UGT2B7: variants seen among roughly 807,000 people sequenced by gnomAD.
The protein encoded by UGT2B7 is UDP-glucuronosyltransferase 2B7.
Under a neutral mutation model 51.9 loss-of-function variants are expected in UGT2B7, and 51 were observed. The ratio of observed to expected loss-of-function variants is 0.98; its 90% CI spans 0.78 to 1.24. The LOEUF (loss-of-function observed/expected upper bound fraction) is 1.24. Ranked by LOEUF, UGT2B7 falls within the 50% of genes most tolerant of loss-of-function variation. The probability of loss-of-function intolerance (pLI) is 0.00; values close to 1 mark genes in which losing one functional copy is unlikely to be tolerated. For synonymous variants in UGT2B7, 225 were observed against 211.6 expected, an observed-to-expected ratio of 1.06 and a Z score of -0.55; for missense variants, 727 against 628.4, an observed-to-expected ratio of 1.16 and a Z score of -1.68.
At chr4:69,051,921 T>C (rs1718026710) in intron 1 of UGT2B7, among the ~76,000 whole-genome samples, 1 of 152,172 alleles carries the variant, frequency 6.6e-6, no homozygotes, top group African/African-American at 2.4e-5. Flanking sequence ...ACTGCAAAAG[T>C]GTGTGTGTGC....
At chr4:69,096,418 A>C (rs1719222824), upstream of UGT2B7, 2 of 1,556,686 alleles carry the variant, frequency 1.3e-6, no homozygotes, top group Non-Finnish European at 1.7e-6. Flanking sequence ...TTTGACTTAT[A>C]AGGGTTACAT....
chr4:69,095,098 G>A (rs1390814396), upstream of UGT2B7, among the ~76,000 whole-genome samples: 1 of 152,040 alleles, frequency 6.6e-6, no homozygotes, highest in Non-Finnish European at 1.5e-5. Context: ...TTTTGTTATA[G>A]GACCAACAGT....
At chr4:69,058,409 G>A (rs1011868004) in intron 1 of UGT2B7, among the ~76,000 whole-genome samples, 4 of 152,220 alleles carry the variant, frequency 2.6e-5, no homozygotes, top group African/African-American at 7.2e-5. Context: ...GTCATGTTTG[G>A]GCTATGCAAA....
upstream of UGT2B7, among the ~76,000 whole-genome samples, chr4:69,094,837 C>T (rs4554144): frequency 0.58 from 87,792 of 152,076 alleles, 26,355 homozygotes; most frequent in African/African-American, 0.71. Flanking sequence ...CAAACTCTAA[C>T]GCTGCTTTAT....
intron 1 of UGT2B7, among the ~76,000 whole-genome samples, chr4:69,071,541 A>T (rs1186852908): frequency 1.3e-5 from 2 of 152,138 alleles, no homozygotes; most frequent in African/African-American, 2.4e-5. Flanking sequence ...AACAAACTTA[A>T]GAGCTGTTCT....
chr4:69,098,492 A>G (rs1560509162), intron 1 of UGT2B7, 48 bp from the exon 2 acceptor site: 1 of 1,569,364 alleles, frequency 6.4e-7, no homozygotes, highest in East Asian at 2.3e-5. Flanking sequence ...AATTTACCTA[A>G]AGTAATTATC....
intron 1 of UGT2B7, among the ~76,000 whole-genome samples, chr4:69,073,638 A>G (rs1718644253): frequency 6.6e-6 from 1 of 152,204 alleles, no homozygotes; most frequent in Non-Finnish European, 1.5e-5. Flanking sequence ...GAGTTAAGTC[A>G]GAATGAAATA....
chr4:69,106,724 A>G lies in UGT2B7; in HGVS notation c.1003-451A>G, dbSNP rs543356612. 3.9e-5 allele frequency among the ~76,000 whole-genome samples: 6 copies of G among 152,282 alleles called. No individual in the cohort carries two copies. The East Asian group carries it at 7.7e-4, about 20-fold the overall frequency. ...CTTACATTCCCACCAACAGATTATA[A>G]GCAAGCCTTTTCTATACTACCTCAC... On this transcript the variant is annotated intron_variant, in intron 3 of 5. Coordinates refer to ENST00000305231, the MANE Select transcript of UGT2B7 (RefSeq NM_001074.4).
chr4:69,071,379 G>C (rs1718596635), intron 1 of UGT2B7, among the ~76,000 whole-genome samples: 1 of 152,058 alleles, frequency 6.6e-6, no homozygotes, highest in African/African-American at 2.4e-5. Context: ...GTGGAATAAA[G>C]AGCCAAATAC....
intron 5 of UGT2B7, among the ~76,000 whole-genome samples, chr4:69,110,539 T>C (rs919392336): frequency 6.6e-6 from 1 of 152,038 alleles, no homozygotes; most frequent in Non-Finnish European, 1.5e-5. Flanking sequence ...CTATTAATCA[T>C]AAAATGAAGA....
At chr4:69,079,478 T>A (rs1718787881) in intron 1 of UGT2B7, among the ~76,000 whole-genome samples, 1 of 152,164 alleles carries the variant, frequency 6.6e-6, no homozygotes, top group Non-Finnish European at 1.5e-5. Context: ...GAACTTAAAG[T>A]ATAATAAAAA....
At chr4:69,090,608 A>G (rs1719064722) in intron 2 of UGT2B7, among the ~76,000 whole-genome samples, 1 of 152,092 alleles carries the variant, frequency 6.6e-6, no homozygotes. Context: ...CATGGAAAAG[A>G]CTCATCCCCA....
intron 1 of UGT2B7, among the ~76,000 whole-genome samples, chr4:69,078,796 A>T (rs1326012765): frequency 1.3e-5 from 2 of 152,078 alleles, no homozygotes; most frequent in East Asian, 3.9e-4. Context: ...TGGCTATGGA[A>T]GGTGGGGACA....
intron 1 of UGT2B7, among the ~76,000 whole-genome samples, chr4:69,076,258 A>T (rs1718704228): frequency 2.0e-5 from 3 of 152,174 alleles, no homozygotes; most frequent in African/African-American, 7.2e-5. Context: ...ATGTGTCTTT[A>T]TAATAGAATG....
At chr4:69,086,503 A>C (rs1057286333) in intron 1 of UGT2B7, among the ~76,000 whole-genome samples, 28 of 152,050 alleles carry the variant, frequency 1.8e-4, no homozygotes, top group Middle Eastern at 3.4e-3. Flanking sequence ...TCTTACCTAG[A>C]GTGCAGTTTA....
intron 4 of UGT2B7, 93 bp downstream of exon 4, chr4:69,107,355 T>C: frequency 1.5e-6 from 2 of 1,360,176 alleles, no homozygotes; most frequent in African/African-American, 3.0e-5. Flanking sequence ...GAATATTTGT[T>C]AAGGAAAAAC....
chr4:69,054,261 G>C (rs1718123522), intron 1 of UGT2B7, among the ~76,000 whole-genome samples: 1 of 152,068 alleles, frequency 6.6e-6, no homozygotes, highest in Admixed American at 6.5e-5. Flanking sequence ...CAGACTGTGG[G>C]GCACTGGCCA....
At chr4:69,106,837 T>C (rs1043798914) in intron 3 of UGT2B7, among the ~76,000 whole-genome samples, 2 of 151,262 alleles carry the variant, frequency 1.3e-5, no homozygotes, top group South Asian at 2.1e-4. Flanking sequence ...TTTGCATTTC[T>C]CTAATGATGT....
At chr4:69,111,286 A>T (rs761770122) in intron 5 of UGT2B7, among the ~76,000 whole-genome samples, 1 of 152,216 alleles carries the variant, frequency 6.6e-6, no homozygotes, top group Non-Finnish European at 1.5e-5. Flanking sequence ...TATTCTAAAA[A>T]TAATGAGAAG....
Sources: gnomAD v4.1 joint callset for allele counts (sites outside exome capture counted in the v4.1 genomes callset) on GRCh38, gnomAD v4.1.1 for gene constraint, MANE v1.5 for transcripts, NCBI Gene and HGNC (gene_info 2026-07-23, HGNC 2026-07-21) for gene names.